VWA3A: variants seen among roughly 807,000 people sequenced by gnomAD.
VWA3A encodes von Willebrand factor A domain-containing protein 3A.
In VWA3A, 134 loss-of-function variants were observed where a neutral mutation model predicts 160.4. The observed-to-expected ratio is 0.84, with a 90% CI of 0.73 to 0.96. VWA3A has a LOEUF of 0.96. Among genes scored for constraint, VWA3A ranks in the 40% least tolerant of loss-of-function variants. The pLI, the probability that VWA3A is intolerant of heterozygous loss-of-function variation, is 0.00. For synonymous variants in VWA3A, 476 were observed against 543.4 expected (o/e 0.88, Z 1.72); for missense variants, 1,310 against 1,447.9 (o/e 0.90, Z 1.55).
At chr16:22,099,554 C>T (rs1207556708) in intron 3 of VWA3A, among the ~76,000 whole-genome samples, 1 of 152,182 alleles carries the variant, frequency 6.6e-6, no homozygotes. Flanking sequence ...ACGGAAAGTG[C>T]TTAACATGTA....
At chr16:22,147,336 C>T (rs776317072) in intron 27 of VWA3A, among the ~76,000 whole-genome samples, 1 of 152,116 alleles carries the variant, frequency 6.6e-6, no homozygotes, top group African/African-American at 2.4e-5. Flanking sequence ...ACAGAGAGCA[C>T]CAAGTCCCCT....
chr16:22,123,689 G>A lies in VWA3A; in HGVS notation c.1514G>A (p.Gly505Asp). ...WLSLASRRIW[G>D]TVCEKRVVVL... The stretch of plus-strand genomic sequence containing the variant: ...TCCCTGGCCAGCAGAAGAATCTGGG[G>A]CACAGTCTGTGAAAAAAGGTACCTT... Residue 505 changes from glycine (G) to aspartate (D), a missense_variant, in exon 16 of 34, where the codon GGC becomes GAC. Transcript: ENST00000389398. 1.2e-6 allele frequency: 2 copies of A among 1,613,870 alleles called. No homozygotes were observed. Among genetic ancestry groups the A allele is most frequent in the Non-Finnish European group, 1.7e-6 (2 of 1,179,846 alleles).
At chr16:22,148,874 T>C (rs1296478586) in intron 28 of VWA3A, among the ~76,000 whole-genome samples, 1 of 152,236 alleles carries the variant, frequency 6.6e-6, no homozygotes, top group African/African-American at 2.4e-5. Flanking sequence ...GGCTTTCAGC[T>C]GAACTTGATT....
At chr16:22,124,172 C>A in intron 16 of VWA3A, among the ~76,000 whole-genome samples, 1 of 141,092 alleles carries the variant, frequency 7.1e-6, no homozygotes. Context: ...CAGAGCAAGT[C>A]CCTGTGTCTA....
chr16:22,150,065 A>G, intron 29 of VWA3A, 134 bp downstream of exon 29: 7 of 1,270,278 alleles, frequency 5.5e-6, no homozygotes, highest in Non-Finnish European at 6.3e-6. Flanking sequence ...TCATCTTCCC[A>G]ACACCCGAGT....
At chr16:22,140,452 A>G (rs1380665934) in intron 23 of VWA3A, among the ~76,000 whole-genome samples, 1 of 152,062 alleles carries the variant, frequency 6.6e-6, no homozygotes, top group African/African-American at 2.4e-5. Flanking sequence ...TACCAAACAA[A>G]AAAGGAGCCA....
intron 11 of VWA3A, among the ~76,000 whole-genome samples, chr16:22,118,373 CTCT>C (rs2045679498): frequency 6.6e-6 from 1 of 151,984 alleles, no homozygotes; most frequent in South Asian, 2.1e-4. Flanking sequence ...AGTTAGAAAA[CTCT>C]TCAATTGTTT....
At chr16:22,143,362 A>G (rs1402470349) in intron 25 of VWA3A, among the ~76,000 whole-genome samples, 4 of 152,208 alleles carry the variant, frequency 2.6e-5, no homozygotes, top group Admixed American at 1.3e-4. Flanking sequence ...AGATTCTTTA[A>G]AGTGAAATCA....
chr16:22,135,422 C>T (rs374616724), intron 21 of VWA3A, among the ~76,000 whole-genome samples: 6 of 152,120 alleles, frequency 3.9e-5, no homozygotes, highest in Admixed American at 2.6e-4. Flanking sequence ...TATGCCTCAC[C>T]GTAATTTGTA....
At chr16:22,123,484 A>G in intron 15 of VWA3A, 129 bp from the exon 16 acceptor site, 1 of 1,579,250 alleles carries the variant, frequency 6.3e-7, no homozygotes, top group Non-Finnish European at 8.6e-7. Context: ...TGGAATGATT[A>G]TACTGCCTGG....
At chr16:22,143,389 T>C (rs2046188189) in intron 25 of VWA3A, among the ~76,000 whole-genome samples, 1 of 152,160 alleles carries the variant, frequency 6.6e-6, no homozygotes, top group Non-Finnish European at 1.5e-5. Flanking sequence ...ATCCCACTTC[T>C]TGTGCATAAG....
chr16:22,100,784 T>G (rs2045396333), intron 5 of VWA3A, among the ~76,000 whole-genome samples: 1 of 148,888 alleles, frequency 6.7e-6, no homozygotes, highest in Non-Finnish European at 1.5e-5. Context: ...GAGGTTCCAG[T>G]GAGCTAAGAA....
Position 22,155,677 on chromosome 16 carries a change from C to T in VWA3A, c.3503+13C>T, listed in dbSNP as rs577609826. ...CCCAATCCTTCAGGTATGCCCTTCA[C>T]GCAGCCTCTCCGGCCTGCCATGTGG... is the stretch of plus-strand genomic sequence containing the variant. On this transcript the variant is annotated intron_variant, in intron 32 of 33. Transcript: ENST00000389398. 9.9e-6 allele frequency: 16 copies of T among 1,613,020 alleles called. No individual in the cohort carries two copies. Among genetic ancestry groups the T allele is most frequent in the Admixed American group, 5.0e-5 (3 of 60,010 alleles).
intron 8 of VWA3A, among the ~76,000 whole-genome samples, chr16:22,114,223 T>G (rs2045598240): frequency 6.6e-6 from 1 of 152,192 alleles, no homozygotes; most frequent in Non-Finnish European, 1.5e-5. Flanking sequence ...CTCTTTCAGA[T>G]TTTTGATTTT....
At chr16:22,095,123 A>G (rs2045296299) in intron 1 of VWA3A, among the ~76,000 whole-genome samples, 1 of 152,190 alleles carries the variant, frequency 6.6e-6, no homozygotes, top group Non-Finnish European at 1.5e-5. Context: ...CCTCTAATGA[A>G]TGTATCGTTC....
At chr16:22,104,601 C>T (rs2045454782) in intron 6 of VWA3A, among the ~76,000 whole-genome samples, 1 of 152,076 alleles carries the variant, frequency 6.6e-6, no homozygotes, top group African/African-American at 2.4e-5. Flanking sequence ...ATTTCTTGAG[C>T]CCAGGAGCCT....
intron 26 of VWA3A, among the ~76,000 whole-genome samples, chr16:22,144,798 G>A (rs576343553): frequency 1.2e-4 from 18 of 151,936 alleles, no homozygotes; most frequent in Non-Finnish European, 1.9e-4. Context: ...CCTGTAGTCC[G>A]AGCTACTTGG....
At chr16:22,097,740 T>G in intron 3 of VWA3A, 45 bp downstream of exon 3, 1 of 1,548,764 alleles carries the variant, frequency 6.5e-7, no homozygotes, top group Non-Finnish European at 8.7e-7. Flanking sequence ...CTACAAATCA[T>G]TCAGAGAATG....
intron 27 of VWA3A, among the ~76,000 whole-genome samples, chr16:22,147,277 G>C (rs2046270606): frequency 6.6e-6 from 1 of 152,168 alleles, no homozygotes; most frequent in Non-Finnish European, 1.5e-5. Context: ...TCCTGCCTCA[G>C]CCTCCCAAAG....
Sources: gnomAD v4.1 joint callset for allele counts (sites outside exome capture counted in the v4.1 genomes callset) on GRCh38, gnomAD v4.1.1 for gene constraint, MANE v1.5 for transcripts, NCBI Gene and HGNC (gene_info 2026-07-23, HGNC 2026-07-21) for gene names.